PCDH11X: variants seen among roughly 807,000 people sequenced by gnomAD.
PCDH11X encodes the protein protocadherin 11 X-linked.
PCDH11X carries 18 observed loss-of-function variants against 53.3 expected under a neutral mutation model. The observed-to-expected ratio is 0.34, with a 90% CI of 0.23 to 0.50. The LOEUF (loss-of-function observed/expected upper bound fraction) is 0.50, where lower values mean the gene tolerates loss of function less well. Among genes scored for constraint, PCDH11X ranks in the 20% least tolerant of loss-of-function variants. PCDH11X has a pLI of 0.98. For synonymous variants in PCDH11X, 279 were observed against 393.3 expected (o/e 0.71, Z 3.44); for missense variants, 570 against 1,032.4 (o/e 0.55, Z 6.14).
chrX:91,961,039 T>G (rs1396486896), intron 6 of PCDH11X, among the ~76,000 whole-genome samples: 9 of 88,968 alleles, frequency 1.0e-4, no homozygotes, highest in African/African-American at 3.8e-4. Flanking sequence ...CCAAGCTTTG[T>G]CATTACAGGC....
intron 6 of PCDH11X, among the ~76,000 whole-genome samples, chrX:92,009,192 A>G (rs899693901): frequency 8.9e-6 from 1 of 112,007 alleles, no homozygotes; most frequent in Admixed American, 9.5e-5. Context: ...ATTTCCTTTC[A>G]AAAGATGTAT....
chrX:92,411,658 T>G (rs1467202178), intron 9 of PCDH11X, among the ~76,000 whole-genome samples: 2 of 108,648 alleles, frequency 1.8e-5, no homozygotes, highest in African/African-American at 6.7e-5. Flanking sequence ...AAGTGCCATA[T>G]TTTCTTTATC....
In PCDH11X at chrX:92,208,508, A is replaced by AATATATATAT. The variant is rs58212809; in HGVS notation, c.3114+7073_3114+7082dup. On this transcript the variant is annotated intron_variant, in intron 7 of 10. Transcript: ENST00000682573. ...ACAACCGAAGGTGGTCCCTGAAACT[A>AATATATATAT]ATATATATATATATATATATATATA... Among the ~76,000 whole-genome samples the AATATATATAT allele has an allele frequency of 8.6e-3, 264 of 30,654 alleles. 30 individuals are homozygous for AATATATATAT. The East Asian group carries it at 0.13, about 15-fold the overall frequency. The allele number at this position is 30,654 out of a possible 115,157, so 26.6% of individuals were successfully genotyped here. A position where few individuals can be genotyped will look rare whatever the true frequency, so the allele number is the denominator to read the frequency against.
intron 10 of PCDH11X, among the ~76,000 whole-genome samples, chrX:92,485,624 A>C (rs963275434): frequency 1.8e-5 from 2 of 112,139 alleles, no homozygotes; most frequent in African/African-American, 6.5e-5. Flanking sequence ...TAAACTTAGA[A>C]GAAACATTTC....
intron 6 of PCDH11X, among the ~76,000 whole-genome samples, chrX:92,071,243 C>T (rs896010315): frequency 4.9e-4 from 54 of 110,976 alleles, no homozygotes; most frequent in African/African-American, 1.8e-3. Context: ...CTCACTAATT[C>T]TTTTGTCTGC....
intron 6 of PCDH11X, among the ~76,000 whole-genome samples, chrX:92,004,610 G>T (rs2062564439): frequency 9.1e-6 from 1 of 109,314 alleles, no homozygotes; most frequent in African/African-American, 3.3e-5. Context: ...TTGTGAAATT[G>T]ACCCCATTAT....
At chrX:92,339,393 T>A (rs1316949891) in intron 8 of PCDH11X, among the ~76,000 whole-genome samples, 4 of 112,317 alleles carry the variant, frequency 3.6e-5, no homozygotes, top group Non-Finnish European at 7.5e-5. Flanking sequence ...CTAAAGCAAT[T>A]GCAACCTGTA....
At chrX:92,293,507 C>T (rs954210758) in intron 8 of PCDH11X, among the ~76,000 whole-genome samples, 1 of 108,840 alleles carries the variant, frequency 9.2e-6, no homozygotes, top group African/African-American at 3.4e-5. Flanking sequence ...GCCTGTAGTC[C>T]CAGCTACTCG....
intron 6 of PCDH11X, among the ~76,000 whole-genome samples, chrX:92,139,125 T>G (rs759913082): frequency 9.2e-6 from 1 of 108,855 alleles, no homozygotes; most frequent in Admixed American, 1.0e-4. Context: ...AGTAAACATT[T>G]TAATTTTTCA....
intron 4 of PCDH11X, among the ~76,000 whole-genome samples, chrX:91,822,076 C>T (rs1183497621): frequency 2.7e-5 from 3 of 109,115 alleles, no homozygotes; most frequent in Non-Finnish European, 5.7e-5. Flanking sequence ...TTTGTTTTGC[C>T]ACTATTTTAT....
intron 9 of PCDH11X, among the ~76,000 whole-genome samples, chrX:92,463,339 T>C (rs950886871): frequency 1.8e-4 from 20 of 111,004 alleles, no homozygotes; most frequent in African/African-American, 5.9e-4. Context: ...TTCATCTAAA[T>C]TGGAATTTTC....
At chrX:92,237,761 C>T (rs1004086230) in intron 7 of PCDH11X, among the ~76,000 whole-genome samples, 4 of 111,307 alleles carry the variant, frequency 3.6e-5, no homozygotes, top group African/African-American at 1.3e-4. Flanking sequence ...GTGGTTGTTT[C>T]CCTTGGTTTC....
At chrX:92,342,966 C>T (rs919986546) in intron 8 of PCDH11X, among the ~76,000 whole-genome samples, 1 of 112,172 alleles carries the variant, frequency 8.9e-6, no homozygotes, top group East Asian at 2.8e-4. Context: ...TCTCCAATTG[C>T]TAATATGAAA....
intron 6 of PCDH11X, among the ~76,000 whole-genome samples, chrX:91,950,220 G>A (rs1306942650): frequency 9.4e-6 from 1 of 106,664 alleles, no homozygotes; most frequent in African/African-American, 3.4e-5. Flanking sequence ...GTCTAATGGT[G>A]AAGTCTGGGA....
intron 6 of PCDH11X, chrX:91,879,620 T>C: frequency 1.0e-6 from 1 of 980,678 alleles, no homozygotes; most frequent in Non-Finnish European, 1.3e-6. Context: ...ATCAGAATAG[T>C]CTGGGCTAGA....
In PCDH11X at chrX:92,215,844, C is replaced by T. The variant is rs769320420; in HGVS notation, c.3114+14389C>T. ...TGACACCTCACACGGCCGGGTACTCCTCTGAGACAAAACTTCCAGAGGAAT... is the reference window on the plus strand; with the variant it reads ...TGACACCTCACACGGCCGGGTACTCTTCTGAGACAAAACTTCCAGAGGAAT... On this transcript the variant is annotated intron_variant, in intron 7 of 10. Transcript: ENST00000682573. 4.6e-5 allele frequency among the ~76,000 whole-genome samples: 5 copies of T among 108,173 alleles called. No individual in the cohort carries two copies. In the South Asian group the frequency reaches 2.1e-3, roughly 45 times the overall value. The allele number at this position is 108,173 out of a possible 115,157, so 93.9% of individuals were successfully genotyped here. A position where few individuals can be genotyped will look rare whatever the true frequency, so the allele number is the denominator to read the frequency against.
intron 8 of PCDH11X, among the ~76,000 whole-genome samples, chrX:92,299,565 C>T (rs1158771683): frequency 9.0e-6 from 1 of 111,379 alleles, no homozygotes; most frequent in Non-Finnish European, 1.9e-5. Context: ...ACAAGTTATC[C>T]ATTTCTTTCA....
chrX:92,108,430 A>T (rs1457724886), intron 6 of PCDH11X, among the ~76,000 whole-genome samples: 2 of 112,083 alleles, frequency 1.8e-5, no homozygotes, highest in Non-Finnish European at 3.8e-5. Context: ...AATTTTTGGT[A>T]GAGGCTTAGA....
chrX:92,061,650 G>T (rs1024823503), intron 6 of PCDH11X, among the ~76,000 whole-genome samples: 9 of 109,384 alleles, frequency 8.2e-5, no homozygotes, highest in Non-Finnish European at 1.5e-4. Flanking sequence ...TGTTCCATTG[G>T]TCAGTGAGTC....
Sources: gnomAD v4.1 joint callset for allele counts (sites outside exome capture counted in the v4.1 genomes callset) on GRCh38, gnomAD v4.1.1 for gene constraint, MANE v1.5 for transcripts, NCBI Gene and HGNC (gene_info 2026-07-23, HGNC 2026-07-21) for gene names.